Variants in GPLD1 observed in about 807,000 individuals in gnomAD.
The protein encoded by GPLD1 is phosphatidylinositol-glycan-specific phospholipase D.
GPLD1 carries 84 observed loss-of-function variants against 112.6 expected under a neutral mutation model. The ratio of observed to expected loss-of-function variants is 0.75; its 90% confidence interval spans 0.63 to 0.89. The LOEUF (loss-of-function observed/expected upper bound fraction) is 0.89. Among genes scored for constraint, GPLD1 ranks in the 40% least tolerant of loss-of-function variants. The pLI is 0.00. For synonymous variants in GPLD1, 386 were observed against 403.8 expected (o/e 0.96, Z 0.53); for missense variants, 1,044 against 1,051.5 (o/e 0.99, Z 0.10).
intron 2 of GPLD1, among the ~76,000 whole-genome samples, chr6:24,480,362 CTT>C (rs1317669897): frequency 2.0e-5 from 3 of 152,088 alleles, no homozygotes; most frequent in Admixed American, 2.0e-4. Context: ...GAGTTTTGCT[CTT>C]TTCACCCAGG....
intron 2 of GPLD1, among the ~76,000 whole-genome samples, chr6:24,480,323 CTGT>C (rs1465123122): frequency 6.6e-6 from 1 of 152,054 alleles, no homozygotes; most frequent in Non-Finnish European, 1.5e-5. Flanking sequence ...GTTTTTGTTG[CTGT>C]TGTTGTTTGT....
Position 24,436,612 on chromosome 6 carries a change from T to G in GPLD1, c.2322A>C (p.Lys774Asn), listed in dbSNP as rs1289033827. ...GACATGGAGTTATCCATGATTTGCA[T>G]TTGCCAGTCATGTCACCAAGGGTGG... The part of the protein sequence containing the change: ...KETTLGDMTG[K>N]CKSWITPCPE... The change falls in exon 22 of 25, where the codon AAA becomes AAC. Residue 774 changes from lysine (K) to asparagine (N), a missense_variant. Physicochemically the swap from Lys to Asn is moderately conservative, Grantham distance 94. Transcript: ENST00000230036. The G allele has an allele frequency of 6.2e-7, 1 of 1,614,012 alleles. No individual in the cohort carries two copies. Among genetic ancestry groups the G allele is most frequent in the South Asian group, 1.1e-5 (1 of 91,082 alleles).
intron 18 of GPLD1, 48 bp downstream of exon 18, chr6:24,446,790 G>A (rs1324530573): frequency 2.5e-6 from 4 of 1,591,880 alleles, no homozygotes; most frequent in Admixed American, 1.7e-5. Flanking sequence ...ATAGCAGCAG[G>A]TACCTGCCCC....
In GPLD1 at chr6:24,427,773, G is replaced by A. The variant is rs920839808; in HGVS notation, c.*1259C>T. Among the ~76,000 whole-genome samples, 1 of 150,146 alleles carries A rather than the reference G, an allele frequency of 6.7e-6. No homozygotes were observed. The highest frequency in any genetic ancestry group is 1.5e-5 in the Non-Finnish European group (1 of 67,758). ...AGACAGGAGAATCACTTGAACCTGG[G>A]AGGCGGAGGTTGCAGTGAGCTGAGA... On this transcript the variant is annotated 3_prime_UTR_variant, in exon 25 of 25. Transcript: ENST00000230036.
chr6:24,472,354 G>A (rs1414243977), intron 7 of GPLD1, among the ~76,000 whole-genome samples: 16 of 152,282 alleles, frequency 1.1e-4, no homozygotes, highest in Admixed American at 1.0e-3. Context: ...AAGTTAAGAT[G>A]ATCATTTTGA....
chr6:24,459,957 G>A (rs1468299885), intron 12 of GPLD1, among the ~76,000 whole-genome samples: 2 of 152,074 alleles, frequency 1.3e-5, no homozygotes, highest in African/African-American at 2.4e-5. Context: ...GGAGTGCACT[G>A]GCATGATCAT....
chr6:24,492,929 A>G (rs1157789577), upstream of GPLD1, among the ~76,000 whole-genome samples: 1 of 152,224 alleles, frequency 6.6e-6, no homozygotes, highest in African/African-American at 2.4e-5. Context: ...TAAGATTAAC[A>G]TATTAATATG....
chr6:24,466,700 G>T lies in GPLD1; in HGVS notation c.801C>A (p.Phe267Leu), dbSNP rs1433385269. ...TTCACCTGGTCCCATTCTCCAACAT[G>T]AAGCTTGTTAGATGGTAAATATTAG... ...WSTNIYHLTS[F>L]MLENGTSDCN... Residue 267 changes from phenylalanine to leucine, a missense_variant, in exon 10 of 25, where the codon TTC (phenylalanine) becomes TTA (leucine). Physicochemically the swap from Phe to Leu is conservative, Grantham distance 22 (BLOSUM62 0). Coordinates refer to ENST00000230036, the MANE Select transcript of GPLD1 (RefSeq NM_001503.4). 6.2e-7 allele frequency: 1 copy of T among 1,612,614 alleles called. No individual in the cohort carries two copies. The highest frequency in any genetic ancestry group is 8.5e-7 in the Non-Finnish European group (1 of 1,178,768).
chr6:24,473,534 GAC>G, intron 6 of GPLD1, 83 bp downstream of exon 6: 1 of 805,950 alleles, frequency 1.2e-6, no homozygotes, highest in Non-Finnish European at 2.1e-6. Context: ...AAATATTAAA[GAC>G]ACACATATTT....
chr6:24,489,787 T>C (rs1250182557), upstream of GPLD1, among the ~76,000 whole-genome samples: 1 of 152,240 alleles, frequency 6.6e-6, no homozygotes, highest in African/African-American at 2.4e-5. Flanking sequence ...CCAGAAGCAC[T>C]GCATCTTCTG....
chr6:24,479,152 CAG>C (rs372500278), intron 3 of GPLD1, among the ~76,000 whole-genome samples: 16 of 152,136 alleles, frequency 1.1e-4, no homozygotes, highest in African/African-American at 3.9e-4. Flanking sequence ...CCCCTCCAGC[CAG>C]AGAGATGTCA....
At chr6:24,485,650 CAT>C (rs1386790664) in intron 2 of GPLD1, among the ~76,000 whole-genome samples, 1 of 150,786 alleles carries the variant, frequency 6.6e-6, no homozygotes, top group Non-Finnish European at 1.5e-5. Flanking sequence ...AACATTATAA[CAT>C]AAAGAAATAA....
At chr6:24,446,734 A>G (rs1440936666) in intron 18 of GPLD1, 104 bp downstream of exon 18, 2 of 1,114,886 alleles carry the variant, frequency 1.8e-6, no homozygotes, top group East Asian at 2.8e-5. Flanking sequence ...TCAAAAGTCA[A>G]GCATTTCCTA....
chr6:24,446,743 T>C (rs1402076739), intron 18 of GPLD1, 95 bp downstream of exon 18: 16 of 1,215,510 alleles, frequency 1.3e-5, no homozygotes, highest in Non-Finnish European at 1.6e-5. Flanking sequence ...AAGCATTTCC[T>C]AGCCCTTTTC....
In GPLD1 at chr6:24,431,410, T is replaced by C. The variant is rs1762400207; in HGVS notation, c.2436+1777A>G. Among the ~76,000 whole-genome samples the C allele has an allele frequency of 2.6e-5, 4 of 152,346 alleles. No individual in the cohort carries two copies. The South Asian group carries it at 8.3e-4, about 32-fold the overall frequency. ...ATCCTATACTAATTTGCATTTTATT[T>C]GACTTTCCATGTATATGAATCTTAT... On this transcript the variant is annotated intron_variant, in intron 24 of 24. Transcript: ENST00000230036.
chr6:24,491,467 G>T (rs1437622931), upstream of GPLD1, among the ~76,000 whole-genome samples: 1 of 152,238 alleles, frequency 6.6e-6, no homozygotes, highest in Admixed American at 6.5e-5. Context: ...AGGAGGCCAA[G>T]GCGGGCAGAT....
rs1215727104 is a variant in GPLD1 at position 24,437,186 on chromosome 6, G to A, written c.2124C>T (p.Thr708=). Residue 708 remains threonine, a synonymous_variant, in exon 21 of 25, where the codon ACC becomes ACT. Coordinates refer to ENST00000230036, the MANE Select transcript of GPLD1 (RefSeq NM_001503.4). ...TSDAQPLLLS[T]FSGDRRFSRF... Reference sequence around the variant, plus strand: ...GGGAGAAGCGGCGGTCTCCGCTGAAGGTGCTGAGCAGCAGAGGCTGCGCGT... The same window carrying A: ...GGGAGAAGCGGCGGTCTCCGCTGAAAGTGCTGAGCAGCAGAGGCTGCGCGT... 1.9e-6 allele frequency: 3 copies of A among 1,614,064 alleles called. No individual in the cohort carries two copies. In the African/African-American group the frequency reaches 4.0e-5, roughly 22 times the overall value.
chr6:24,439,962 T>C (rs184831297), intron 20 of GPLD1, among the ~76,000 whole-genome samples: 12 of 152,300 alleles, frequency 7.9e-5, no homozygotes, highest in African/African-American at 2.4e-4. Context: ...GGGTTGTGTT[T>C]GGGATGCAGG....
Position 24,429,029 on chromosome 6 carries a change from T to C in GPLD1, c.*3A>G. The C allele has an allele frequency of 6.2e-7, 1 of 1,601,448 alleles. No homozygotes were observed. Among genetic ancestry groups the C allele is most frequent in the Non-Finnish European group, 8.6e-7 (1 of 1,169,442 alleles). ...GGCAGAGTGGGGAAATGCAGTGAAA[T>C]CTTCAATCTGAGCCAAGGCTATAGA... On this transcript the variant is annotated 3_prime_UTR_variant, in exon 25 of 25. Coordinates refer to ENST00000230036, the MANE Select transcript of GPLD1 (RefSeq NM_001503.4).
Sources: allele counts gnomAD v4.1 joint callset (sites outside exome capture counted in the v4.1 genomes callset), GRCh38; gene constraint gnomAD v4.1.1; transcripts MANE v1.5; gene names NCBI Gene and HGNC (gene_info 2026-07-23, HGNC 2026-07-21).